Variants in DCLK2 observed in about 807,000 individuals in gnomAD.
DCLK2 encodes the protein doublecortin like kinase 2.
Under a neutral mutation model 78.4 loss-of-function variants are expected in DCLK2, and 31 were observed. That is an observed-to-expected ratio of 0.40 (90% CI 0.30 to 0.53). The LOEUF (loss-of-function observed/expected upper bound fraction) is 0.53. Ranked by LOEUF, DCLK2 falls within the 20% of genes least tolerant of loss-of-function variation. The pLI, the probability that DCLK2 is intolerant of heterozygous loss-of-function variation, is 0.61. For synonymous variants in DCLK2, 407 were observed against 374.9 expected (o/e 1.09, Z -0.99); for missense variants, 872 against 973.7 (o/e 0.90, Z 1.39).
At chr4:150,086,113 A>C (rs1202987000) in intron 1 of DCLK2, among the ~76,000 whole-genome samples, 1 of 152,194 alleles carries the variant, frequency 6.6e-6, no homozygotes, top group Admixed American at 6.5e-5. Context: ...TACAAACCCA[A>C]CAGGGGGTGG....
chr4:150,207,857 G>T (rs1388179744), intron 5 of DCLK2, among the ~76,000 whole-genome samples: 1 of 152,160 alleles, frequency 6.6e-6, no homozygotes, highest in Non-Finnish European at 1.5e-5. Flanking sequence ...TTCAAAGAGT[G>T]GGGGTGGTCC....
chr4:150,199,492 A>G (rs1232002324), intron 4 of DCLK2, among the ~76,000 whole-genome samples: 6 of 152,204 alleles, frequency 3.9e-5, no homozygotes, highest in Non-Finnish European at 7.3e-5. Context: ...AATCACTGAA[A>G]TCTTAGAATT....
At chr4:150,092,067 T>A (rs1730121217) in intron 1 of DCLK2, among the ~76,000 whole-genome samples, 2 of 152,248 alleles carry the variant, frequency 1.3e-5, no homozygotes, top group Non-Finnish European at 1.5e-5. Flanking sequence ...GCTACATTTG[T>A]TCTTCTGTGG....
chr4:150,168,370 A>T (rs1432102732), intron 2 of DCLK2, among the ~76,000 whole-genome samples: 2 of 150,568 alleles, frequency 1.3e-5, no homozygotes, highest in Non-Finnish European at 2.9e-5. Flanking sequence ...AACCCAAGTC[A>T]GAGGTCAAAC....
intron 2 of DCLK2, among the ~76,000 whole-genome samples, chr4:150,138,899 T>C (rs777098825): frequency 4.6e-5 from 7 of 152,100 alleles, no homozygotes; most frequent in Non-Finnish European, 8.8e-5. Flanking sequence ...CTCCTGACCT[T>C]GTGATCTGCC....
intron 14 of DCLK2, among the ~76,000 whole-genome samples, chr4:150,248,753 C>G (rs1743517558): frequency 6.6e-6 from 1 of 151,992 alleles, no homozygotes; most frequent in East Asian, 1.9e-4. Context: ...TGTTTCAGAC[C>G]CTGACCTTTG....
In DCLK2 at chr4:150,256,259, A is replaced by T. The variant is rs1410996811; in HGVS notation, c.*12A>T. On this transcript the variant is annotated 3_prime_UTR_variant, in exon 16 of 16. Transcript: ENST00000296550. Reference sequence around the variant, plus strand: ...GCCACCGAGACTGAGCCTCCTGCAGACGGGCGAAGCCGCCTGCTGCAGCCC... The same window carrying T: ...GCCACCGAGACTGAGCCTCCTGCAGTCGGGCGAAGCCGCCTGCTGCAGCCC... 2 of 1,493,966 alleles carry T rather than the reference A, an allele frequency of 1.3e-6. No individual in the cohort carries two copies. The highest frequency in any genetic ancestry group is 2.9e-5 in the African/African-American group (2 of 69,604). The allele number at this position is 1,493,966 out of a possible 1,614,324, so 92.5% of individuals were successfully genotyped here.
chr4:150,243,494 A>T (rs1460753946), intron 12 of DCLK2, among the ~76,000 whole-genome samples: 1 of 152,206 alleles, frequency 6.6e-6, no homozygotes, highest in African/African-American at 2.4e-5. Context: ...AAATTACGGT[A>T]AATAAGTTTG....
chr4:150,153,224 T>G (rs1341302832), intron 2 of DCLK2, among the ~76,000 whole-genome samples: 1 of 152,158 alleles, frequency 6.6e-6, no homozygotes, highest in Non-Finnish European at 1.5e-5. Flanking sequence ...GGGATGGAAT[T>G]GGTGACAGGA....
chr4:150,232,554 C>A, intron 9 of DCLK2, 98 bp downstream of exon 9: 2 of 1,542,156 alleles, frequency 1.3e-6, no homozygotes, highest in Non-Finnish European at 1.8e-6. Flanking sequence ...TCATAACTTT[C>A]ATTATTTATA....
At chr4:150,206,367 C>G (rs929751019) in intron 5 of DCLK2, among the ~76,000 whole-genome samples, 1 of 151,784 alleles carries the variant, frequency 6.6e-6, no homozygotes, top group African/African-American at 2.4e-5. Context: ...ATTACTTATT[C>G]ACACCGAGAG....
At chr4:150,179,043 T>C (rs1031984820) in intron 2 of DCLK2, among the ~76,000 whole-genome samples, 18 of 152,184 alleles carry the variant, frequency 1.2e-4, no homozygotes, top group Non-Finnish European at 2.4e-4. Context: ...CTTTTCTTTT[T>C]TTGAGACAGA....
At chr4:150,125,393 T>C (rs1732849434) in intron 2 of DCLK2, among the ~76,000 whole-genome samples, 2 of 152,280 alleles carry the variant, frequency 1.3e-5, no homozygotes, top group South Asian at 4.1e-4. Context: ...CTTCTTAAAC[T>C]TTTTCCAGAA....
At chr4:150,177,499 A>G (rs1389508285) in intron 2 of DCLK2, among the ~76,000 whole-genome samples, 4 of 152,226 alleles carry the variant, frequency 2.6e-5, no homozygotes, top group African/African-American at 9.6e-5. Flanking sequence ...TAAAATGGTT[A>G]TAACACATAC....
chr4:150,142,794 C>T (rs1392746379), intron 2 of DCLK2, among the ~76,000 whole-genome samples: 3 of 144,594 alleles, frequency 2.1e-5, no homozygotes, highest in Non-Finnish European at 4.5e-5. Flanking sequence ...GTAAGGAAAA[C>T]TAAAATGCTG....
chr4:150,156,135 G>A (rs565800480), intron 2 of DCLK2, among the ~76,000 whole-genome samples: 65 of 152,236 alleles, frequency 4.3e-4, no homozygotes, highest in African/African-American at 1.4e-3. Flanking sequence ...GGAGGTTGCT[G>A]GTGATTAGGA....
At chr4:150,192,438 C>T (rs2126369223) in intron 2 of DCLK2, among the ~76,000 whole-genome samples, 1 of 147,032 alleles carries the variant, frequency 6.8e-6, no homozygotes, top group South Asian at 2.2e-4. Flanking sequence ...CGAAATCGCA[C>T]CACTGCACTC....
intron 5 of DCLK2, among the ~76,000 whole-genome samples, chr4:150,210,683 C>A (rs1404899834): frequency 6.6e-6 from 1 of 152,104 alleles, no homozygotes; most frequent in Non-Finnish European, 1.5e-5. Flanking sequence ...CACAGTCGCT[C>A]ACGCCTTTAA....
chr4:150,190,049 AAAG>A lies in DCLK2; in HGVS notation c.757-3088_757-3086del, dbSNP rs1247330901. Among the ~76,000 whole-genome samples, 16 of 142,650 alleles carry A rather than the reference AAAG, an allele frequency of 1.1e-4. 3 individuals are homozygous for A. The highest frequency in any genetic ancestry group is 3.0e-4 in the African/African-American group (12 of 39,524). The allele number at this position is 142,650 out of a possible 152,430, so 93.6% of individuals were successfully genotyped here. ...GACCCTGTCTCAAAAAAAAAAAAAA[AAAG>A]GCCAAGTGTGGTGGCTGTGGTCCCA... On this transcript the variant is annotated intron_variant, in intron 2 of 15. Coordinates refer to ENST00000296550, the MANE Select transcript of DCLK2 (RefSeq NM_001040260.4).
Sources: allele counts gnomAD v4.1 joint callset (sites outside exome capture counted in the v4.1 genomes callset), GRCh38; gene constraint gnomAD v4.1.1; transcripts MANE v1.5; gene names NCBI Gene and HGNC (gene_info 2026-07-23, HGNC 2026-07-21).